Variants in SH3PXD2B observed in about 807,000 individuals in gnomAD.
SH3PXD2B encodes the protein SH3 and PX domain-containing protein 2B.
A neutral mutation model predicts 73.1 loss-of-function variants in SH3PXD2B; 37 were observed. The ratio of observed to expected loss-of-function variants is 0.51; its 90% CI spans 0.39 to 0.67. The LOEUF (loss-of-function observed/expected upper bound fraction) is 0.67, where lower values mean the gene tolerates loss of function less well. SH3PXD2B is among the 30% of genes least tolerant of loss of function. The probability of loss-of-function intolerance (pLI) is 0.00; values close to 1 mark genes in which losing one functional copy is unlikely to be tolerated. For synonymous variants in SH3PXD2B, 457 were observed against 480.5 expected (o/e 0.95, Z 0.64); for missense variants, 1,053 against 1,197.8 (o/e 0.88, Z 1.78).
intron 1 of SH3PXD2B, 62 bp from the exon 2 acceptor site, chr5:172,422,558 C>A: frequency 6.8e-7 from 1 of 1,470,144 alleles, no homozygotes; most frequent in Non-Finnish European, 9.3e-7. Context: ...ATCTCTGGGA[C>A]CCAGGGGGAG....
intron 1 of SH3PXD2B, among the ~76,000 whole-genome samples, chr5:172,448,123 C>T (rs1759714756): frequency 6.6e-6 from 1 of 152,232 alleles, no homozygotes; most frequent in Admixed American, 6.5e-5. Context: ...GACAAGAACT[C>T]TCCTGTGCAA....
intron 6 of SH3PXD2B, among the ~76,000 whole-genome samples, chr5:172,372,846 C>A (rs1477064927): frequency 6.6e-6 from 1 of 152,112 alleles, no homozygotes. Context: ...AATTAAAGAG[C>A]GCTGGATTCT....
chr5:172,326,857 A>ATTTTTTTTTT (rs1175095358), intron 12 of SH3PXD2B, among the ~76,000 whole-genome samples: 13 of 135,618 alleles, frequency 9.6e-5, no homozygotes, highest in African/African-American at 3.3e-4. Flanking sequence ...ATGTCTCAAG[A>ATTTTTTTTTT]TTTTTTTTTT....
chr5:172,332,918 A>G (rs1756589163), downstream of SH3PXD2B, among the ~76,000 whole-genome samples: 2 of 143,128 alleles, frequency 1.4e-5, no homozygotes, highest in Admixed American at 7.3e-5. Context: ...TTCCCACCCC[A>G]AACCCCCACC....
chr5:172,434,981 C>T (rs1250168093), intron 1 of SH3PXD2B, among the ~76,000 whole-genome samples: 1 of 151,942 alleles, frequency 6.6e-6, no homozygotes, highest in Admixed American at 6.6e-5. Flanking sequence ...GATGGGGTTT[C>T]GCCATGTTGC....
At chr5:172,383,531 A>G (rs1757993173) in intron 4 of SH3PXD2B, among the ~76,000 whole-genome samples, 1 of 152,248 alleles carries the variant, frequency 6.6e-6, no homozygotes, top group Middle Eastern at 3.2e-3. Flanking sequence ...AGTTTAACAA[A>G]TATTTACTTA....
chr5:172,432,545 CAA>C (rs1759272346), intron 1 of SH3PXD2B, among the ~76,000 whole-genome samples: 1 of 152,184 alleles, frequency 6.6e-6, no homozygotes, highest in Non-Finnish European at 1.5e-5. Flanking sequence ...AAAATGCCCA[CAA>C]AAGTGCTTCG....
At position 172,350,600 on chromosome 5, in the gene SH3PXD2B, G is replaced by A; in HGVS notation, c.786-11C>T. 6.3e-7 allele frequency: 1 copy of A among 1,594,934 alleles called. No homozygotes were observed. The highest frequency in any genetic ancestry group is 2.3e-5 in the East Asian group (1 of 44,008). On this transcript the variant is annotated splice_polypyrimidine_tract_variant and intron_variant, in intron 9 of 12. Transcript: ENST00000311601. ...TCTTTGCCCTGGTACCTGTGAAGAG[G>A]AGGAAGGATGCTGTCAAACTGCTCC...
In SH3PXD2B at chr5:172,368,606, A is replaced by AAT. The variant is rs1193875750; in HGVS notation, c.427+5182_427+5183dup. ...TATATATAAAATATGTTATATATAT[A>AAT]ATATATATGTTATATATATATATAA... On this transcript the variant is annotated intron_variant, in intron 6 of 12. Transcript: ENST00000311601. Among the ~76,000 whole-genome samples, 19 of 19,254 alleles carry AAT rather than the reference A, an allele frequency of 9.9e-4. 4 individuals are homozygous for AAT. Among genetic ancestry groups the AAT allele is most frequent in the South Asian group, 6.9e-3 (2 of 288 alleles). 12.6% of individuals were successfully genotyped at this position (19,254 alleles called of 152,430 possible).
chr5:172,443,540 T>C (rs1309558125), intron 1 of SH3PXD2B, among the ~76,000 whole-genome samples: 3 of 152,210 alleles, frequency 2.0e-5, no homozygotes, highest in South Asian at 4.1e-4. Context: ...CCTTATCCTA[T>C]GGAGATGCAT....
intron 10 of SH3PXD2B, among the ~76,000 whole-genome samples, chr5:172,348,129 G>A (rs1461689268): frequency 6.6e-6 from 1 of 152,120 alleles, no homozygotes; most frequent in Admixed American, 6.5e-5. Flanking sequence ...TAGCAACAGA[G>A]TATTGGCCAA....
At position 172,354,050 on chromosome 5, in the gene SH3PXD2B, G is replaced by A. The variant is rs771831752; in HGVS notation, c.668-45C>T. The A allele has an allele frequency of 2.6e-6, 4 of 1,555,906 alleles. No individual in the cohort carries two copies. In the African/African-American group the frequency reaches 4.1e-5, roughly 16 times the overall value. On this transcript the variant is annotated intron_variant, in intron 8 of 12. Transcript: ENST00000311601. ...CTGGGGTCAGAAGAGGACACCAAGA[G>A]GCTTGGGATGCCGTAATCCCCGTGA...
At chr5:172,368,249 T>C (rs1581279379) in intron 6 of SH3PXD2B, among the ~76,000 whole-genome samples, 1 of 151,704 alleles carries the variant, frequency 6.6e-6, no homozygotes, top group East Asian at 1.9e-4. Context: ...TGCCTTGCAC[T>C]GCCTCATTCA....
chr5:172,325,630 G>A (rs948330549), intron 12 of SH3PXD2B, among the ~76,000 whole-genome samples: 3 of 152,162 alleles, frequency 2.0e-5, no homozygotes, highest in Middle Eastern at 3.2e-3. Context: ...GGGGATGATC[G>A]CTGTGTCCTG....
chr5:172,422,520 G>A (rs1357137509), intron 1 of SH3PXD2B, 24 bp from the exon 2 acceptor site: 1 of 1,601,392 alleles, frequency 6.2e-7, no homozygotes, highest in Admixed American at 1.7e-5. Context: ...AGAGGAGATG[G>A]GTGTTAACAC....
At chr5:172,388,782 G>A (rs1758108900) in intron 4 of SH3PXD2B, among the ~76,000 whole-genome samples, 1 of 152,204 alleles carries the variant, frequency 6.6e-6, no homozygotes, top group Non-Finnish European at 1.5e-5. Flanking sequence ...GAACTTCCCG[G>A]CTAGGCAAGG....
At chr5:172,363,000 G>T in intron 6 of SH3PXD2B, 131 bp from the exon 7 acceptor site, 1 of 1,212,070 alleles carries the variant, frequency 8.3e-7, no homozygotes, top group Non-Finnish European at 1.2e-6. Context: ...TCTCAAGGGT[G>T]ACTTCATCCA....
intron 1 of SH3PXD2B, among the ~76,000 whole-genome samples, chr5:172,439,349 T>TA (rs994261302): frequency 6.7e-6 from 1 of 149,746 alleles, no homozygotes; most frequent in Admixed American, 6.6e-5. Context: ...ATCCTGCCTC[T>TA]ATAGCCTGAT....
intron 12 of SH3PXD2B, among the ~76,000 whole-genome samples, chr5:172,327,323 C>T (rs1158132982): frequency 1.3e-5 from 2 of 152,132 alleles, no homozygotes; most frequent in African/African-American, 4.8e-5. Context: ...ATGAGGACAT[C>T]GTTTTCGAAA....
Sources: gnomAD v4.1 joint callset for allele counts (sites outside exome capture counted in the v4.1 genomes callset) on GRCh38, gnomAD v4.1.1 for gene constraint, MANE v1.5 for transcripts, NCBI Gene and HGNC (gene_info 2026-07-23, HGNC 2026-07-21) for gene names.